TSPAN1: variants seen among roughly 807,000 people sequenced by gnomAD.
The protein encoded by TSPAN1 is tetraspanin-1.
TSPAN1 carries 23 observed loss-of-function variants against 26.9 expected under a neutral mutation model. That is an observed-to-expected ratio of 0.85 (90% CI 0.62 to 1.21). The LOEUF is 1.21. TSPAN1 is among the 50% of genes most tolerant of loss of function. The pLI is 0.00. For missense variants in TSPAN1, 283 were observed against 298.4 expected, an observed-to-expected ratio of 0.95 and a Z score of 0.38; for synonymous variants, 115 against 114.8, an observed-to-expected ratio of 1.00 and a Z score of -0.01.
downstream of TSPAN1, among the ~76,000 whole-genome samples, chr1:46,186,824 G>T (rs1360511214): frequency 6.6e-6 from 1 of 151,886 alleles, no homozygotes; most frequent in East Asian, 1.9e-4. Flanking sequence ...CACCTCGCCC[G>T]GGTAATTTTT....
chr1:46,192,935 C>T, the TSPAN1 span: 1 of 1,614,188 alleles, frequency 6.2e-7, no homozygotes, highest in Non-Finnish European at 8.5e-7. Flanking sequence ...GGTCCTCTTC[C>T]AGAACCACAG....
At chr1:46,177,831 CTG>C (rs1657218635) in intron 1 of TSPAN1, among the ~76,000 whole-genome samples, 1 of 152,188 alleles carries the variant, frequency 6.6e-6, no homozygotes. Flanking sequence ...GGTATGGAAT[CTG>C]TGAATAAGGA....
Position 46,185,860 on chromosome 1 carries a change from G to A in TSPAN1, c.*327G>A, listed in dbSNP as rs567827047. On this transcript the variant is annotated 3_prime_UTR_variant, in exon 9 of 9. Coordinates refer to ENST00000372003, the MANE Select transcript of TSPAN1 (RefSeq NM_005727.4). ...ATCCCAGTGCTCTACTGGGGGATGA[G>A]AGAAAGGCATTTTATAGCCTGGGCA... 254 of 393,894 alleles carry A rather than the reference G, an allele frequency of 6.4e-4. No homozygotes were observed. The highest frequency in any genetic ancestry group is 7.5e-4 in the Non-Finnish European group (162 of 217,396). 24.4% of individuals were successfully genotyped at this position (393,894 alleles called of 1,614,324 possible). A position where few individuals can be genotyped will look rare whatever the true frequency, so the allele number is the denominator to read the frequency against.
At chr1:46,184,009 T>C in intron 3 of TSPAN1, 182 bp from the exon 4 acceptor site, 1 of 641,928 alleles carries the variant, frequency 1.6e-6, no homozygotes, top group Non-Finnish European at 2.8e-6. Flanking sequence ...GTCCTAGCTA[T>C]GCATATCCCA....
the TSPAN1 span, among the ~76,000 whole-genome samples, chr1:46,196,308 G>C: frequency 6.6e-6 from 1 of 152,166 alleles, no homozygotes; most frequent in Non-Finnish European, 1.5e-5. The surrounding 1 kb of genome is among the most constrained non-coding windows in gnomAD (Gnocchi z 4.4). Flanking sequence ...TGACTTTCAT[G>C]GCTCTTAGAG....
intron 1 of TSPAN1, chr1:46,176,157 G>T: frequency 6.6e-7 from 1 of 1,513,808 alleles, no homozygotes. Flanking sequence ...TTACAGGCAT[G>T]AGCCACCGCA....
chr1:46,188,820 C>T (rs2148158330), downstream of TSPAN1: 1 of 1,612,928 alleles, frequency 6.2e-7, no homozygotes, highest in South Asian at 1.1e-5. Flanking sequence ...TGGGCCCCAG[C>T]TGGGCCTGTC....
At chr1:46,185,984 TG>T (rs1450930331), downstream of TSPAN1, 2 of 173,676 alleles carry the variant, frequency 1.2e-5, no homozygotes, top group Non-Finnish European at 2.5e-5. Context: ...CATGTATCCT[TG>T]GGGAGAGGGG....
intron 1 of TSPAN1, chr1:46,176,588 C>A: frequency 3.2e-6 from 4 of 1,244,010 alleles, no homozygotes; most frequent in Non-Finnish European, 4.3e-6. Context: ...GTCGTGGGCC[C>A]TGGCCCCTCC....
chr1:46,177,351 A>ATATCTATCTATC (rs71062742), intron 1 of TSPAN1, among the ~76,000 whole-genome samples: 334 of 147,778 alleles, frequency 2.3e-3, no homozygotes, highest in East Asian at 7.4e-3. Context: ...AAAAAAAAAT[A>ATATCTATCTATC]TATCTATCTA....
chr1:46,192,206 CAT>C, the TSPAN1 span: 3 of 1,614,238 alleles, frequency 1.9e-6, no homozygotes, highest in Non-Finnish European at 2.5e-6. Context: ...TCCGCATCCA[CAT>C]GTCCCAATCC....
At chr1:46,195,022 A>C in the TSPAN1 span, 2 of 1,489,044 alleles carry the variant, frequency 1.3e-6, no homozygotes, top group Non-Finnish European at 1.9e-6. Context: ...CTGGCCTCAC[A>C]GAGCACGAAC....
In TSPAN1 at chr1:46,185,575, T is replaced by A. The variant is rs1360289464; in HGVS notation, c.*42T>A. 6.2e-7 allele frequency: 1 copy of A among 1,606,456 alleles called. No homozygotes were observed. Among genetic ancestry groups the A allele is most frequent in the South Asian group, 1.1e-5 (1 of 90,870 alleles). ...GCCACTACTGCTGCCACATGGGAAC[T>A]GTGAAGAGGCACCCTGGCAAGCAGC... On this transcript the variant is annotated 3_prime_UTR_variant, in exon 9 of 9. Coordinates refer to ENST00000372003, the MANE Select transcript of TSPAN1 (RefSeq NM_005727.4).
intron 1 of TSPAN1, chr1:46,176,476 A>G (rs1657171323): frequency 6.5e-7 from 1 of 1,535,398 alleles, no homozygotes; most frequent in South Asian, 1.2e-5. Context: ...CCCCATGGGC[A>G]CAGGGAGCTT....
chr1:46,193,103 C>T, the TSPAN1 span: 64 of 1,609,444 alleles, frequency 4.0e-5, no homozygotes, highest in South Asian at 5.3e-4. Context: ...GAGCTTGCCA[C>T]GTAACAGGCC....
At chr1:46,194,726 C>G in the TSPAN1 span, 1 of 1,613,986 alleles carries the variant, frequency 6.2e-7, no homozygotes, top group Non-Finnish European at 8.5e-7. Flanking sequence ...TCCCTGCCTA[C>G]TTTCATCCAA....
downstream of TSPAN1, chr1:46,190,947 C>A: frequency 1.4e-6 from 1 of 699,290 alleles, no homozygotes. Flanking sequence ...GCATCCTCAG[C>A]AAGCTCTTAC....
chr1:46,182,126 T>C (rs1158810393), intron 3 of TSPAN1, among the ~76,000 whole-genome samples: 1 of 150,936 alleles, frequency 6.6e-6, no homozygotes, highest in Non-Finnish European at 1.5e-5. Flanking sequence ...GGGTGGGGCC[T>C]GGTTTGTGGG....
At chr1:46,179,000 T>C (rs915414933) in intron 1 of TSPAN1, among the ~76,000 whole-genome samples, 2 of 152,148 alleles carry the variant, frequency 1.3e-5, no homozygotes, top group African/African-American at 2.4e-5. Context: ...TTCAGCTGCC[T>C]CCTTTCACTA....
Sources: allele counts gnomAD v4.1 joint callset (sites outside exome capture counted in the v4.1 genomes callset), GRCh38; gene constraint gnomAD v4.1.1; non-coding constraint Gnocchi (gnomAD v3.1); transcripts MANE v1.5; gene names NCBI Gene and HGNC (gene_info 2026-07-23, HGNC 2026-07-21).